DLG5: variants seen among roughly 807,000 people sequenced by gnomAD.
DLG5 encodes the protein discs large MAGUK scaffold protein 5.
A neutral mutation model predicts 189.8 loss-of-function variants in DLG5; 48 were observed. That is an observed-to-expected ratio of 0.25 (90% CI 0.20 to 0.32). The LOEUF (loss-of-function observed/expected upper bound fraction) is 0.32. Among genes scored for constraint, DLG5 ranks in the 10% least tolerant of loss-of-function variants. The pLI is 1.00. For missense variants in DLG5, 2,160 were observed against 2,544.7 expected (o/e 0.85, Z 3.25); for synonymous variants, 1,016 against 1,054.1 (o/e 0.96, Z 0.70).
chr10:77,821,204 A>C lies in DLG5; in HGVS notation c.3280T>G (p.Cys1094Gly), dbSNP rs769634071. 4 of 1,614,114 alleles carry C rather than the reference A, an allele frequency of 2.5e-6. No homozygotes were observed. The highest frequency in any genetic ancestry group is 3.4e-6 in the Non-Finnish European group (4 of 1,180,020). The change falls in exon 15 of 32, where the codon TGT (cysteine) becomes GGT (glycine). Residue 1094 changes from cysteine to glycine, a missense_variant. This residue lies in a region of DLG5 where 754 missense variants were observed against 746.5 expected (regional missense o/e 1.01). Transcript: ENST00000372391. ...DSSHLPAKKS[C>G]DEDLTSQKVD... is the part of the protein sequence containing the mutation. ...TTCTGGGAGGTGAGGTCCTCATCAC[A>C]GGATTTCTTGGCCGGCAGGTGGGAG... is the stretch of plus-strand genomic sequence containing the variant.
At chr10:77,840,579 C>T (rs191040377) in intron 7 of DLG5, among the ~76,000 whole-genome samples, 2 of 151,808 alleles carry the variant, frequency 1.3e-5, no homozygotes, top group East Asian at 3.9e-4. Flanking sequence ...ATTAGCCGGG[C>T]GTGGTGGCAC....
intron 2 of DLG5, among the ~76,000 whole-genome samples, chr10:77,858,706 T>A (rs969482757): frequency 1.3e-5 from 2 of 152,210 alleles, no homozygotes; most frequent in African/African-American, 2.4e-5. Context: ...GTCTTGTTGA[T>A]CCTGACCCTC....
chr10:77,882,178 G>T (rs904203777), intron 1 of DLG5, among the ~76,000 whole-genome samples: 4 of 152,178 alleles, frequency 2.6e-5, no homozygotes, highest in African/African-American at 4.8e-5. Context: ...GCCATAGGGC[G>T]GGAGGCACAA....
rs532749857 is a variant in DLG5 at position 77,797,128 on chromosome 10, C to T, written c.5165-534G>A. ...GGAAGGGACCTGGGTCCTGGATGAT[C>T]CTCAGAACGCAATGCCTCTCCCACA... On this transcript the variant is annotated intron_variant, in intron 27 of 31. Transcript: ENST00000372391. 2.0e-5 allele frequency among the ~76,000 whole-genome samples: 3 copies of T among 152,340 alleles called. No individual in the cohort carries two copies. The South Asian group carries it at 6.2e-4, about 32-fold the overall frequency.
intron 26 of DLG5, 40 bp downstream of exon 26, chr10:77,806,718 A>AGCGCCCC: frequency 7.5e-7 from 1 of 1,333,652 alleles, no homozygotes; most frequent in South Asian, 1.2e-5. Flanking sequence ...GCCCTCGGCG[A>AGCGCCCC]CCCCTGCCCC....
At position 77,853,458 on chromosome 10, in the gene DLG5, G is replaced by A; in HGVS notation, c.760C>T (p.Leu254=). 1 of 1,611,476 alleles carries A rather than the reference G, an allele frequency of 6.2e-7. No individual in the cohort carries two copies. Residue 254 remains leucine (L), a synonymous_variant, in exon 5 of 32, where the codon CTG becomes TTG. Transcript: ENST00000372391. ...VDMLRRENGQ[L]LRERNLLQQS... ...TGCAGCAGGTTTCGCTCCCGCAGCA[G>A]CTGCCCATTCTCCCGCCTCAGCATG...
At chr10:77,885,348 C>T (rs566831362) in intron 1 of DLG5, among the ~76,000 whole-genome samples, 7 of 152,272 alleles carry the variant, frequency 4.6e-5, no homozygotes, top group African/African-American at 1.4e-4. Flanking sequence ...CCCAAGTCAA[C>T]CACAGAAAAT....
upstream of DLG5, chr10:77,929,606 G>A (rs1289301082): frequency 6.6e-6 from 1 of 152,212 alleles, no homozygotes; most frequent in Non-Finnish European, 1.5e-5. Context: ...AAATTTGGAT[G>A]CAGAGACACA....
chr10:77,817,943 G>A, intron 17 of DLG5, 54 bp from the exon 18 acceptor site: 1 of 1,423,072 alleles, frequency 7.0e-7, no homozygotes, highest in Non-Finnish European at 9.7e-7. Flanking sequence ...AACAGATGTG[G>A]CCACTGGGGA....
At chr10:77,882,678 G>C (rs935650877) in intron 1 of DLG5, among the ~76,000 whole-genome samples, 4 of 152,030 alleles carry the variant, frequency 2.6e-5, no homozygotes, top group African/African-American at 9.7e-5. Flanking sequence ...CTGGGAGGCT[G>C]AGGCAGGTGG....
At chr10:77,865,301 G>T (rs1005482217) in intron 2 of DLG5, among the ~76,000 whole-genome samples, 2 of 152,116 alleles carry the variant, frequency 1.3e-5, no homozygotes, top group Non-Finnish European at 2.9e-5. Context: ...TGACCCAAAA[G>T]TCTGGGCCAG....
chr10:77,881,342 C>T (rs967415976), intron 1 of DLG5, among the ~76,000 whole-genome samples: 6 of 152,154 alleles, frequency 3.9e-5, no homozygotes, highest in Admixed American at 6.6e-5. Flanking sequence ...GTAATCACTA[C>T]TGGCAGGTCA....
chr10:77,854,506 G>A (rs1844135715), intron 3 of DLG5, 136 bp from the exon 4 acceptor site: 1 of 1,165,646 alleles, frequency 8.6e-7, no homozygotes, highest in Non-Finnish European at 1.2e-6. Context: ...CTGGGTGTTT[G>A]TTAAACTCAG....
At position 77,808,686 on chromosome 10, in the gene DLG5, C is replaced by G. The variant is rs142270094; in HGVS notation, c.4648-742G>C. On this transcript the variant is annotated intron_variant, in intron 24 of 31. Coordinates refer to ENST00000372391, the MANE Select transcript of DLG5 (RefSeq NM_004747.4). ...CTACATCACCTGAGGGCGAGCACCC[C>G]CTGATGCCCAGGGCCTGAGCCAAGG... 9.8e-5 allele frequency among the ~76,000 whole-genome samples: 15 copies of G among 152,294 alleles called. No homozygotes were observed. In the East Asian group the frequency reaches 2.7e-3, roughly 27 times the overall value.
At chr10:77,814,747 G>GT (rs1283285156) in intron 20 of DLG5, among the ~76,000 whole-genome samples, 2 of 151,692 alleles carry the variant, frequency 1.3e-5, no homozygotes, top group Admixed American at 1.3e-4. Flanking sequence ...GCTAATTTTT[G>GT]TATTTTTAGT....
intron 27 of DLG5, among the ~76,000 whole-genome samples, chr10:77,804,277 G>C (rs538523822): frequency 1.3e-5 from 2 of 152,206 alleles, no homozygotes; most frequent in African/African-American, 2.4e-5. Context: ...TATCAGCAAA[G>C]GGCTAATAGA....
the DLG5 span, among the ~76,000 whole-genome samples, chr10:77,935,369 C>T: frequency 1.3e-5 from 2 of 152,074 alleles, no homozygotes; most frequent in African/African-American, 4.8e-5. Flanking sequence ...GGAAACCTAC[C>T]CTTCCACCAG....
chr10:77,913,748 CA>C (rs1846287752), intron 1 of DLG5, among the ~76,000 whole-genome samples: 1 of 152,174 alleles, frequency 6.6e-6, no homozygotes, highest in African/African-American at 2.4e-5. Context: ...TCCCCTTGCT[CA>C]GCTAATTTTT....
intron 1 of DLG5, among the ~76,000 whole-genome samples, chr10:77,911,408 C>T (rs1240446813): frequency 6.6e-6 from 1 of 152,176 alleles, no homozygotes; most frequent in African/African-American, 2.4e-5. Flanking sequence ...AGCTACCACA[C>T]CTAGCCAGAA....
Sources: gnomAD v4.1 joint callset for allele counts (sites outside exome capture counted in the v4.1 genomes callset) on GRCh38, gnomAD v4.1.1 for gene constraint, gnomAD v4.1.1 regional missense constraint, MANE v1.5 for transcripts, NCBI Gene and HGNC (gene_info 2026-07-23, HGNC 2026-07-21) for gene names.